The following CCSER1 variants were observed in gnomAD, a reference collection of about 807,000 sequenced individuals.
The protein encoded by CCSER1 is coiled-coil serine rich protein 1, also known as serine-rich coiled-coil domain-containing protein 1.
In CCSER1, 41 loss-of-function variants were observed where a neutral mutation model predicts 82.0. The observed-to-expected ratio is 0.50, with a 90% confidence interval of 0.39 to 0.65. The LOEUF is 0.65. Among genes scored for constraint, CCSER1 ranks in the 30% least tolerant of loss-of-function variants. The pLI is 0.00. For missense variants in CCSER1, 1,119 were observed against 1,064.2 expected, an observed-to-expected ratio of 1.05 and a Z score of -0.72; for synonymous variants, 414 against 383.9, an observed-to-expected ratio of 1.08 and a Z score of -0.92.
chr4:91,379,212 CT>C, intron 10 of CCSER1, among the ~76,000 whole-genome samples: 1 of 152,060 alleles, frequency 6.6e-6, no homozygotes, highest in Non-Finnish European at 1.5e-5. Flanking sequence ...CTAAAATTCT[CT>C]TTTTTTGTTG....
At chr4:90,843,645 T>C (rs1170754282) in intron 8 of CCSER1, among the ~76,000 whole-genome samples, 2 of 152,220 alleles carry the variant, frequency 1.3e-5, no homozygotes, top group African/African-American at 4.8e-5. Flanking sequence ...CTCATACCTA[T>C]TCGTCCCTTC....
chr4:90,913,924 A>T (rs1260857852), intron 8 of CCSER1, among the ~76,000 whole-genome samples: 1 of 152,238 alleles, frequency 6.6e-6, no homozygotes, highest in Non-Finnish European at 1.5e-5. Context: ...TAAAGGGATC[A>T]ATTCAACAAG....
chr4:90,587,691 C>G (rs1276431554), intron 5 of CCSER1, among the ~76,000 whole-genome samples: 1 of 152,094 alleles, frequency 6.6e-6, no homozygotes, highest in Non-Finnish European at 1.5e-5. Context: ...GTACTTTTAC[C>G]ACTTAAGTTG....
chr4:91,342,997 G>T (rs182763790), intron 10 of CCSER1, among the ~76,000 whole-genome samples: 1 of 151,850 alleles, frequency 6.6e-6, no homozygotes, highest in Non-Finnish European at 1.5e-5. Flanking sequence ...TGACATTCCC[G>T]TACTAGGAAT....
At chr4:90,463,333 T>G (rs1763180740) in intron 4 of CCSER1, among the ~76,000 whole-genome samples, 1 of 152,204 alleles carries the variant, frequency 6.6e-6, no homozygotes, top group South Asian at 2.1e-4. Context: ...AGAATCAGCA[T>G]GAAGTATGTT....
chr4:91,209,053 C>CATTAATTT (rs1298911202), intron 10 of CCSER1, among the ~76,000 whole-genome samples: 3 of 151,882 alleles, frequency 2.0e-5, no homozygotes, highest in Non-Finnish European at 4.4e-5. Context: ...AATTTTTGTA[C>CATTAATTT]ATTAATTTTG....
At chr4:90,446,851 G>A (rs1760729283) in intron 4 of CCSER1, among the ~76,000 whole-genome samples, 1 of 152,094 alleles carries the variant, frequency 6.6e-6, no homozygotes, top group Non-Finnish European at 1.5e-5. Context: ...CCTACTTAAT[G>A]TGAAGATGAC....
At chr4:90,952,137 C>G (rs1310847120) in intron 9 of CCSER1, among the ~76,000 whole-genome samples, 1 of 151,976 alleles carries the variant, frequency 6.6e-6, no homozygotes. Flanking sequence ...AATACTTTTT[C>G]TGTTGATATA....
At chr4:91,134,830 G>A (rs781180134) in intron 10 of CCSER1, among the ~76,000 whole-genome samples, 1 of 152,112 alleles carries the variant, frequency 6.6e-6, no homozygotes, top group Non-Finnish European at 1.5e-5. Flanking sequence ...GGGAGGCCGG[G>A]GCAGACAGAC....
intron 9 of CCSER1, among the ~76,000 whole-genome samples, chr4:90,946,271 T>C (rs1290572124): frequency 6.6e-6 from 1 of 152,194 alleles, no homozygotes; most frequent in African/African-American, 2.4e-5. Flanking sequence ...TGCTTTATTA[T>C]GTATATTGAC....
intron 1 of CCSER1, among the ~76,000 whole-genome samples, chr4:90,296,798 GT>G (rs1237597751): frequency 6.6e-6 from 1 of 152,140 alleles, no homozygotes; most frequent in Admixed American, 6.5e-5. Flanking sequence ...AGATCAGATA[GT>G]TGTAGATATG....
intron 4 of CCSER1, among the ~76,000 whole-genome samples, chr4:90,433,594 C>T (rs1758600647): frequency 6.6e-6 from 1 of 152,010 alleles, no homozygotes; most frequent in South Asian, 2.1e-4. Context: ...GTGACTCACA[C>T]CGAGTATACA....
At chr4:90,626,765 C>A (rs1342884124) in intron 5 of CCSER1, among the ~76,000 whole-genome samples, 7 of 152,086 alleles carry the variant, frequency 4.6e-5, no homozygotes, top group Admixed American at 4.6e-4. Context: ...TAGTACTAAC[C>A]TTAAAGAATT....
chr4:90,468,419 G>C, intron 5 of CCSER1, 65 bp downstream of exon 5: 1 of 1,402,272 alleles, frequency 7.1e-7, no homozygotes, highest in Non-Finnish European at 9.7e-7. Context: ...AAGAAAATGT[G>C]ATTTATAATA....
At chr4:91,047,011 T>G (rs1043119725) in intron 9 of CCSER1, among the ~76,000 whole-genome samples, 1 of 152,146 alleles carries the variant, frequency 6.6e-6, no homozygotes, top group African/African-American at 2.4e-5. Context: ...TGTTTTTAAC[T>G]GTCAAGGCTA....
chr4:90,417,717 A>G (rs1578375497), intron 4 of CCSER1, among the ~76,000 whole-genome samples: 1 of 152,282 alleles, frequency 6.6e-6, no homozygotes, highest in Non-Finnish European at 1.5e-5. Context: ...TGAACAAGCA[A>G]TATAAAAATT....
chr4:91,268,405 C>T (rs1175157564), intron 10 of CCSER1, among the ~76,000 whole-genome samples: 1 of 152,182 alleles, frequency 6.6e-6, no homozygotes, highest in Non-Finnish European at 1.5e-5. Flanking sequence ...AATTATCTCA[C>T]AAATCTGTTA....
In CCSER1 at chr4:90,282,716, A is replaced by G. The variant is rs567530199; in HGVS notation, c.-41-25528A>G. Among the ~76,000 whole-genome samples the G allele has an allele frequency of 8.5e-5, 13 of 152,072 alleles. No individual in the cohort carries two copies. The East Asian group carries it at 2.5e-3, about 29-fold the overall frequency. On this transcript the variant is annotated intron_variant, in intron 1 of 10. Coordinates refer to ENST00000509176, the MANE Select transcript of CCSER1 (RefSeq NM_001145065.2). ...CTATTGGTTAAAGAAAGTCATATAC[A>G]TATACCTGTCCTCATTAGGTTACTA...
intron 6 of CCSER1, among the ~76,000 whole-genome samples, chr4:90,674,012 A>G (rs1733314842): frequency 6.6e-6 from 1 of 151,972 alleles, no homozygotes; most frequent in Admixed American, 6.6e-5. Flanking sequence ...GGAGATATGG[A>G]TGCTAACTCT....
Sources: gnomAD v4.1 joint callset for allele counts (sites outside exome capture counted in the v4.1 genomes callset) on GRCh38, gnomAD v4.1.1 for gene constraint, MANE v1.5 for transcripts, NCBI Gene and HGNC (gene_info 2026-07-23, HGNC 2026-07-21) for gene names.